The following HERC4 variants were observed in gnomAD, a reference collection of about 807,000 sequenced individuals.
The protein encoded by HERC4 is HECT and RLD domain containing E3 ubiquitin protein ligase 4.
HERC4 carries 28 observed loss-of-function variants against 124.3 expected under a neutral mutation model. The ratio of observed to expected loss-of-function variants is 0.23; its 90% CI spans 0.17 to 0.31. The LOEUF (loss-of-function observed/expected upper bound fraction) is 0.31, where lower values mean the gene tolerates loss of function less well. HERC4 is among the 10% of genes least tolerant of loss of function. The probability of loss-of-function intolerance (pLI) is 1.00; values close to 1 mark genes in which losing one functional copy is unlikely to be tolerated. For missense variants in HERC4, 713 were observed against 1,229.3 expected (o/e 0.58, Z 6.28); for synonymous variants, 407 against 421.5 (o/e 0.97, Z 0.42).
At chr10:68,043,984 G>A (rs2039899798) in intron 4 of HERC4, among the ~76,000 whole-genome samples, 1 of 152,050 alleles carries the variant, frequency 6.6e-6, no homozygotes. Context: ...TTTACAGTAA[G>A]CATGTTGGAC....
At chr10:68,012,521 T>C (rs576602762) in intron 9 of HERC4, among the ~76,000 whole-genome samples, 2 of 152,264 alleles carry the variant, frequency 1.3e-5, no homozygotes, top group East Asian at 1.9e-4. Flanking sequence ...AGGAGAGAGA[T>C]AGGACTGGCC....
At chr10:68,051,366 A>G (rs907181721) in intron 3 of HERC4, among the ~76,000 whole-genome samples, 3 of 139,980 alleles carry the variant, frequency 2.1e-5, no homozygotes, top group African/African-American at 8.0e-5. Context: ...TTTTTTTGAG[A>G]CAGAGTCTCG....
At chr10:67,978,142 G>A (rs1018073863) in intron 15 of HERC4, among the ~76,000 whole-genome samples, 3 of 152,076 alleles carry the variant, frequency 2.0e-5, no homozygotes, top group Non-Finnish European at 4.4e-5. Context: ...CAGGCATAGT[G>A]GTGCAGGCCT....
chr10:68,006,170 T>G (rs1024372034), intron 9 of HERC4, among the ~76,000 whole-genome samples: 2 of 152,188 alleles, frequency 1.3e-5, no homozygotes, highest in Non-Finnish European at 2.9e-5. Flanking sequence ...TTATCTTTGA[T>G]CCGTTTTAGT....
intron 3 of HERC4, chr10:68,070,142 G>A: frequency 1.0e-6 from 1 of 984,930 alleles, no homozygotes; most frequent in Non-Finnish European, 1.2e-6. Flanking sequence ...TCAATTACCA[G>A]AAGACTTTAA....
rs527866100 is a variant in HERC4 at position 67,979,403 on chromosome 10, C to T, written c.1806+9260G>A. 2.6e-5 allele frequency among the ~76,000 whole-genome samples: 4 copies of T among 151,452 alleles called. No homozygotes were observed. In the East Asian group the frequency reaches 7.8e-4, roughly 30 times the overall value. ...TCAAGCAGAAGAAAGAATTAGTGAGCTGAGGAGACAAAAGAAAAAAGAATA... is the reference window on the plus strand; with the variant it reads ...TCAAGCAGAAGAAAGAATTAGTGAGTTGAGGAGACAAAAGAAAAAAGAATA... On this transcript the variant is annotated intron_variant, in intron 15 of 24. Coordinates refer to ENST00000373700, the MANE Select transcript of HERC4 (RefSeq NM_015601.4).
intron 16 of HERC4, among the ~76,000 whole-genome samples, chr10:67,964,091 A>T (rs76710968): frequency 4.4e-4 from 57 of 129,192 alleles, no homozygotes; most frequent in Admixed American, 4.0e-4. Flanking sequence ...CTACCACTCC[A>T]TTTTTTTTTT....
At chr10:68,056,028 G>GT (rs1213107705) in intron 3 of HERC4, among the ~76,000 whole-genome samples, 1 of 152,066 alleles carries the variant, frequency 6.6e-6, no homozygotes, top group Non-Finnish European at 1.5e-5. Context: ...GATTACAAGC[G>GT]TAAGCCACCA....
At chr10:67,931,675 T>A (rs549540176) in intron 23 of HERC4, among the ~76,000 whole-genome samples, 3 of 152,310 alleles carry the variant, frequency 2.0e-5, no homozygotes, top group African/African-American at 7.2e-5. Context: ...TCCGCCCACC[T>A]TGGCCTCCCA....
At chr10:68,040,077 A>C (rs750490482) in intron 4 of HERC4, 4 of 839,370 alleles carry the variant, frequency 4.8e-6, no homozygotes, top group Non-Finnish European at 5.7e-6. Flanking sequence ...ATAGTGCCTA[A>C]TTAATAGTAC....
At chr10:67,996,241 C>T in intron 9 of HERC4, 1 of 351,216 alleles carries the variant, frequency 2.8e-6, no homozygotes, top group South Asian at 2.1e-5. Flanking sequence ...CACTGCAATC[C>T]AGCCTGGGCA....
At chr10:68,020,420 GA>G (rs1012791477) in intron 8 of HERC4, among the ~76,000 whole-genome samples, 57 of 143,338 alleles carry the variant, frequency 4.0e-4, no homozygotes, top group Middle Eastern at 7.1e-3. Flanking sequence ...CGTGTAAAAA[GA>G]AAAAAAAAAT....
At chr10:68,013,992 A>ATATGAAGGAAAGCTT in intron 9 of HERC4, 34 bp downstream of exon 9, 1 of 1,489,596 alleles carries the variant, frequency 6.7e-7, no homozygotes, top group South Asian at 1.3e-5. Flanking sequence ...GAACTTCAAT[A>ATATGAAGGAAAGCTT]TATGAAGGAA....
chr10:68,026,284 T>C (rs1451483812), intron 7 of HERC4, among the ~76,000 whole-genome samples: 4 of 151,980 alleles, frequency 2.6e-5, no homozygotes, highest in East Asian at 2.0e-4. Context: ...TTTGTAGAGA[T>C]GGGGTTTTCC....
At chr10:68,058,907 T>A (rs770026925) in intron 3 of HERC4, among the ~76,000 whole-genome samples, 12 of 152,182 alleles carry the variant, frequency 7.9e-5, no homozygotes, top group Non-Finnish European at 1.2e-4. Context: ...GAGAGTCTAC[T>A]ATGTATGTTC....
intron 9 of HERC4, among the ~76,000 whole-genome samples, chr10:68,008,872 A>G (rs2037751772): frequency 6.6e-6 from 1 of 152,196 alleles, no homozygotes; most frequent in Admixed American, 6.5e-5. Context: ...AATAAAGCAA[A>G]TATCGCAATA....
At chr10:67,972,378 G>A (rs193296064) in intron 15 of HERC4, among the ~76,000 whole-genome samples, 341 of 151,238 alleles carry the variant, frequency 2.3e-3, no homozygotes, top group African/African-American at 7.5e-3. Flanking sequence ...AAAATTAGCC[G>A]GGCATGGTGG....
intron 3 of HERC4, among the ~76,000 whole-genome samples, chr10:68,057,397 G>A (rs759578144): frequency 2.6e-5 from 4 of 152,058 alleles, no homozygotes; most frequent in African/African-American, 4.8e-5. Flanking sequence ...AGGCCAAAGC[G>A]GGTGAATCAC....
chr10:67,984,402 A>T (rs1210715642), intron 15 of HERC4, among the ~76,000 whole-genome samples: 1 of 152,166 alleles, frequency 6.6e-6, no homozygotes, highest in Non-Finnish European at 1.5e-5. Context: ...CACAGAGACA[A>T]ATATCGCATG....
Sources: gnomAD v4.1 joint callset for allele counts (sites outside exome capture counted in the v4.1 genomes callset) on GRCh38, gnomAD v4.1.1 for gene constraint, MANE v1.5 for transcripts, NCBI Gene and HGNC (gene_info 2026-07-23, HGNC 2026-07-21) for gene names.